TTN: variants seen among roughly 807,000 people sequenced by gnomAD.
The protein encoded by TTN is titin.
A neutral mutation model predicts 3,223.0 loss-of-function variants in TTN; 1,525 were observed. The observed-to-expected ratio is 0.47, with a 90% confidence interval of 0.45 to 0.49. TTN has a LOEUF of 0.49. TTN is among the 20% of genes least tolerant of loss of function. TTN has a pLI of 0.00. For synonymous variants in TTN, 14,094 were observed against 15,161.0 expected, an observed-to-expected ratio of 0.93 and a Z score of 5.17; for missense variants, 40,786 against 43,424.0, an observed-to-expected ratio of 0.94 and a Z score of 5.40.
At position 178,613,764 on chromosome 2, in the gene TTN, C is replaced by A; in HGVS notation, c.49519G>T (p.Asp16507Tyr). 6.2e-7 allele frequency: 1 copy of A among 1,612,218 alleles called. No homozygotes were observed. The highest frequency in any genetic ancestry group is 8.5e-7 in the Non-Finnish European group (1 of 1,178,860). ...WVRCNKMPVK[D>Y]TTYRVKGLTN... ...TTCTGAGCATACCTGTATGTTGTGTCCTTTACTGGCATCTTATTGCATCTA... is the reference window on the plus strand; with the variant it reads ...TTCTGAGCATACCTGTATGTTGTGTACTTTACTGGCATCTTATTGCATCTA... Residue 16507 changes from aspartate to tyrosine, a missense_variant, in exon 263 of 363, where the codon GAC becomes TAC. Physicochemically the swap from Asp to Tyr is radical, Grantham distance 160 (BLOSUM62 -3). Coordinates refer to ENST00000589042, the MANE Select transcript of TTN (RefSeq NM_001267550.2).
chr2:178,785,532 C>T (rs187835636), intron 15 of TTN, 88 bp downstream of exon 15: 1 of 1,583,444 alleles, frequency 6.3e-7, no homozygotes, highest in East Asian at 2.2e-5. Context: ...AAGAATCCTC[C>T]ATTGGCCTAC....
rs1190254514 is a variant in TTN, at chr2:178,745,859, G to A, written c.11312-3938C>T. 4.3e-6 allele frequency: 7 copies of A among 1,612,684 alleles called. No homozygotes were observed. The highest frequency in any genetic ancestry group is 1.7e-5 in the Admixed American group (1 of 59,898). ...GTCAGAAATACCTTTGATAAACCTG[G>A]GAGGCCCTTCCACCACCTGAAATTC... On this transcript the variant is annotated intron_variant, in intron 47 of 362. Coordinates refer to ENST00000589042, the MANE Select transcript of TTN (RefSeq NM_001267550.2).
chr2:178,685,320 C>A lies in TTN; in HGVS notation c.32403G>T (p.Arg10801Ser). The change falls in exon 129 of 363, where the codon AGG (arginine) becomes AGT (serine). Residue 10801 changes from arginine to serine, a missense_variant. Transcript: ENST00000589042. ...GTTTCAGTACAATTTTCTTCTCCTG[C>A]CTCTCTGTCACTTGAAAAGATTATA... ...VEAEPAEVTE[R>S]QEKKIVLKPK... is the part of the protein sequence containing the mutation. The A allele has an allele frequency of 6.4e-7, 1 of 1,551,092 alleles. No homozygotes were observed. Among genetic ancestry groups the A allele is most frequent in the East Asian group, 2.4e-5 (1 of 41,160 alleles).
chr2:178,597,714 G>A lies in TTN; in HGVS notation c.57368C>T (p.Thr19123Ile). 6.2e-7 allele frequency: 1 copy of A among 1,613,320 alleles called. No homozygotes were observed. Among genetic ancestry groups the A allele is most frequent in the African/African-American group, 1.3e-5 (1 of 75,016 alleles). Residue 19123 changes from threonine to isoleucine, a missense_variant, in exon 294 of 363, where the codon ACC (threonine) becomes ATC (isoleucine). By Grantham distance (89) the Thr-to-Ile change is moderately conservative. Transcript: ENST00000589042. ...TCTTTCATTCATGTTCCAGGTGACG[G>A]TTGGAGGAGGCTTTCCAGACACATA... is the stretch of plus-strand genomic sequence containing the variant. ...IAYVSGKPPPTVTWNMNERTL... is the reference protein window; with the variant it reads ...IAYVSGKPPPIVTWNMNERTL...
chr2:178,632,330 G>C lies in TTN; in HGVS notation c.43564C>G (p.His14522Asp). Residue 14522 changes from histidine (H) to aspartate (D), a missense_variant, in exon 236 of 363, where the codon CAT (histidine) becomes GAT (aspartate). By Grantham distance (81) the His-to-Asp change is moderately conservative. Transcript: ENST00000589042. ...ESAVFTVELS[H>D]DNIRVKWFKN... ...AACCATTTAACTCGGATGTTATCAT[G>C]AGATAACTCCACAGTAAATACAGCA... is the stretch of plus-strand genomic sequence containing the variant. 6.2e-7 allele frequency: 1 copy of C among 1,606,800 alleles called. No individual in the cohort carries two copies. The highest frequency in any genetic ancestry group is 8.5e-7 in the Non-Finnish European group (1 of 1,176,348).
Position 178,599,368 on chromosome 2 carries a change from G to A in TTN, c.56425C>T (p.Pro18809Ser). ...ATCTTAGACCCACCATCATCTTTAG[G>A]TGGAAACCAAGATAGTGTCATTTGA... ...ADQMTLSWFP[P>S]KDDGGSKITN... The change falls in exon 290 of 363, where the codon CCT (proline) becomes TCT (serine). Residue 18809 changes from proline (P) to serine (S), a missense_variant. Physicochemically the swap from Pro to Ser is moderately conservative, Grantham distance 74 (BLOSUM62 -1). Transcript: ENST00000589042. 1.2e-6 allele frequency: 2 copies of A among 1,600,778 alleles called. No individual in the cohort carries two copies. The highest frequency in any genetic ancestry group is 1.7e-6 in the Non-Finnish European group (2 of 1,175,346).
chr2:178,728,647 G>T lies in TTN; in HGVS notation c.19279C>A (p.Pro6427Thr). ...AAACTCATTGAAAAGTATCTACTGG[G>T]AACTATTTGTTTCCCGTCTTTAAGC... ...KWLKDGKQIV[P>T]SRYFSMSFEN... is the part of the protein sequence containing the mutation. The change falls in exon 66 of 363, where the codon CCC becomes ACC. Residue 6427 changes from proline to threonine, a missense_variant. Transcript: ENST00000589042. 6.2e-7 allele frequency: 1 copy of T among 1,613,244 alleles called. No individual in the cohort carries two copies. Among genetic ancestry groups the T allele is most frequent in the East Asian group, 2.2e-5 (1 of 44,786 alleles).
rs182422055 is a variant in TTN, at chr2:178,549,571, A to G, written c.92151T>C (p.Tyr30717=). The G allele has an allele frequency of 3.4e-5, 54 of 1,611,132 alleles. No individual in the cohort carries two copies. Among genetic ancestry groups the G allele is most frequent in the Admixed American group, 1.0e-4 (6 of 59,946 alleles). Residue 30717 remains tyrosine, a splice_region_variant and synonymous_variant, in exon 338 of 363, where the codon TAT becomes TAC. Coordinates refer to ENST00000589042, the MANE Select transcript of TTN (RefSeq NM_001267550.2). ...CGCTTAGTAAAAACGCAAACTTACT[A>G]TATTGTATTTGAGCAACCACTGGAT... ...DSDPVVAQIQ[Y]TVPDAPGIPE...
chr2:178,635,453 C>A lies in TTN; in HGVS notation c.41871G>T (p.Lys13957Asn). The change falls in exon 227 of 363, where the codon AAG (lysine) becomes AAT (asparagine). Residue 13957 changes from lysine (K) to asparagine (N), a missense_variant. By Grantham distance (94) the Lys-to-Asn change is moderately conservative. Coordinates refer to ENST00000589042, the MANE Select transcript of TTN (RefSeq NM_001267550.2). ...AAGATTTTATACCTCCAAGTGTCAG[C>A]TTTGCAGGGTATCTTTTTCCTTCAA... ...VEIEGKRYPA[K>N]LTLGEREVEL... 6.2e-7 allele frequency: 1 copy of A among 1,607,582 alleles called. No homozygotes were observed. Among genetic ancestry groups the A allele is most frequent in the Non-Finnish European group, 8.5e-7 (1 of 1,176,860 alleles).
chr2:178,750,392 A>G, intron 47 of TTN: 1 of 1,612,982 alleles, frequency 6.2e-7, no homozygotes, highest in South Asian at 1.1e-5. Flanking sequence ...AACAGATGAA[A>G]GAGTTAATAT....
chr2:178,577,346 T>C lies in TTN; in HGVS notation c.68989A>G (p.Thr22997Ala). ...DIRPSDITQI[T>A]STPTSSMLTI... Reference sequence around the variant, plus strand: ...AGCATGGAAGATGTTGGGGTTGAAGTTATCTGAGTGATATCTGATGGTCTA... The same window carrying C: ...AGCATGGAAGATGTTGGGGTTGAAGCTATCTGAGTGATATCTGATGGTCTA... The change falls in exon 324 of 363, where the codon ACT (threonine) becomes GCT (alanine). Residue 22997 changes from threonine to alanine, a missense_variant. Physicochemically the swap from Thr to Ala is moderately conservative, Grantham distance 58 (BLOSUM62 0). Coordinates refer to ENST00000589042, the MANE Select transcript of TTN (RefSeq NM_001267550.2). 1 of 1,612,876 alleles carries C rather than the reference T, an allele frequency of 6.2e-7. No homozygotes were observed. Among genetic ancestry groups the C allele is most frequent in the Non-Finnish European group, 8.5e-7 (1 of 1,179,500 alleles).
At chr2:178,745,995 T>A (rs1259425362) in intron 47 of TTN, 1 of 1,612,802 alleles carries the variant, frequency 6.2e-7, no homozygotes, top group Non-Finnish European at 8.5e-7. Flanking sequence ...TCTCCCATGG[T>A]GAGGAATCCC....
intron 99 of TTN, among the ~76,000 whole-genome samples, chr2:178,708,507 A>AT (rs960016188): frequency 9.2e-5 from 14 of 152,050 alleles, no homozygotes; most frequent in South Asian, 2.1e-4. Context: ...GAATAAGGCC[A>AT]TTTTTTTTGT....
In TTN at chr2:178,598,662, G is replaced by A. The variant is rs1448298545; in HGVS notation, c.56963-8C>T. 7 of 1,600,962 alleles carry A rather than the reference G, an allele frequency of 4.4e-6. No individual in the cohort carries two copies. Among genetic ancestry groups the A allele is most frequent in the Non-Finnish European group, 5.1e-6 (6 of 1,176,468 alleles). ...ATGGAGGACCAGGAGGGGCTGCAAA[G>A]AGCCAGTATACGTTAGTATTCTTGA... On this transcript the variant is annotated splice_region_variant and splice_polypyrimidine_tract_variant and intron_variant, in intron 291 of 362. Coordinates refer to ENST00000589042, the MANE Select transcript of TTN (RefSeq NM_001267550.2).
chr2:178,591,163 G>A lies in TTN; in HGVS notation c.60562C>T (p.His20188Tyr). ...GGTGGCTGCCATGAGATAGTCATGT[G>A]TTCAGGAGTAACATCCAGAATATTA... ...PINILDVTPE[H>Y]MTISWQPPKD... The change falls in exon 304 of 363, where the codon CAC (histidine) becomes TAC (tyrosine). Residue 20188 changes from histidine (H) to tyrosine (Y), a missense_variant. Coordinates refer to ENST00000589042, the MANE Select transcript of TTN (RefSeq NM_001267550.2). The A allele has an allele frequency of 6.2e-7, 1 of 1,613,362 alleles. No homozygotes were observed. The highest frequency in any genetic ancestry group is 8.5e-7 in the Non-Finnish European group (1 of 1,179,556).
At position 178,673,621 on chromosome 2, in the gene TTN, G is replaced by T; in HGVS notation, c.34786+12C>A. ...GGAAGTTAAAGATATTAATAATGAG[G>T]ATTTGATATACCTTTAGCTGGTGGT... On this transcript the variant is annotated intron_variant, in intron 152 of 362. Transcript: ENST00000589042. The T allele has an allele frequency of 6.4e-7, 1 of 1,551,914 alleles. No individual in the cohort carries two copies. Among genetic ancestry groups the T allele is most frequent in the Non-Finnish European group, 8.7e-7 (1 of 1,155,026 alleles).
rs1339748561 is a variant in TTN, at chr2:178,532,743, C to T, written c.103872G>A (p.Leu34624=). Residue 34624 remains leucine (L), a synonymous_variant, in exon 358 of 363, where the codon CTG becomes CTA. Coordinates refer to ENST00000589042, the MANE Select transcript of TTN (RefSeq NM_001267550.2). ...QYRPKWRIPK[L]SQDDLEIVRP... The stretch of plus-strand genomic sequence containing the variant: ...TCACTATCTCAAGATCATCTTGGGA[C>T]AGTTTAGGAATACGCCATTTAGGTC... The T allele has an allele frequency of 1.2e-6, 2 of 1,613,888 alleles. No homozygotes were observed. Among genetic ancestry groups the T allele is most frequent in the Admixed American group, 3.3e-5 (2 of 60,002 alleles).
chr2:178,695,001 C>A, intron 115 of TTN, 95 bp from the exon 116 acceptor site: 2 of 890,700 alleles, frequency 2.2e-6, no homozygotes, highest in Non-Finnish European at 3.4e-6. Context: ...TGTGTTTATA[C>A]ACACCTATAA....
chr2:178,571,827 T>C lies in TTN; in HGVS notation c.74305A>G (p.Asn24769Asp), dbSNP rs372787601. 99 of 1,613,584 alleles carry C rather than the reference T, an allele frequency of 6.1e-5. No homozygotes were observed. In the Middle Eastern group the frequency reaches 9.9e-4, roughly 16 times the overall value. ...TCCTTTATTGTCAGTAGTGAATTAT[T>C]TTCTGTGCTCTCTGCATTTACTCTA... The part of the protein sequence containing the change: ...TTRVNAESTE[N>D]NSLLTIKDAC... The change falls in exon 326 of 363, where the codon AAT becomes GAT. Residue 24769 changes from asparagine (N) to aspartate (D), a missense_variant. By Grantham distance (23) the Asn-to-Asp change is conservative (BLOSUM62 1). Coordinates refer to ENST00000589042, the MANE Select transcript of TTN (RefSeq NM_001267550.2).
Sources: gnomAD v4.1 joint callset for allele counts (sites outside exome capture counted in the v4.1 genomes callset) on GRCh38, gnomAD v4.1.1 for gene constraint, MANE v1.5 for transcripts, NCBI Gene and HGNC (gene_info 2026-07-23, HGNC 2026-07-21) for gene names.